The following RAB11FIP4 variants were observed in gnomAD, a reference collection of about 807,000 sequenced individuals.
RAB11FIP4 encodes the protein rab11 family-interacting protein 4.
Under a neutral mutation model 74.3 loss-of-function variants are expected in RAB11FIP4, and 23 were observed. The ratio of observed to expected loss-of-function variants is 0.31; its 90% CI spans 0.22 to 0.44. The LOEUF (loss-of-function observed/expected upper bound fraction) is 0.44. Among genes scored for constraint, RAB11FIP4 ranks in the 20% least tolerant of loss-of-function variants. The probability of loss-of-function intolerance (pLI) is 1.00; values close to 1 mark genes in which losing one functional copy is unlikely to be tolerated. For synonymous variants in RAB11FIP4, 360 were observed against 359.9 expected, an observed-to-expected ratio of 1.00 and a Z score of 0.00; for missense variants, 630 against 863.9, an observed-to-expected ratio of 0.73 and a Z score of 3.39.
intron 2 of RAB11FIP4, among the ~76,000 whole-genome samples, chr17:31,433,456 C>T (rs890531323): frequency 2.6e-5 from 4 of 152,248 alleles, no homozygotes; most frequent in African/African-American, 9.6e-5. Context: ...GACAATGGGC[C>T]ACTGCAGGCT....
chr17:31,536,054 G>A lies in RAB11FIP4; in HGVS notation c.*4322G>A, dbSNP rs2072956424. 1 of 151,968 alleles carries A rather than the reference G, an allele frequency of 6.6e-6. No homozygotes were observed. The highest frequency in any genetic ancestry group is 1.5e-5 in the Non-Finnish European group (1 of 68,024). The allele number at this position is 151,968 out of a possible 1,614,324, so 9.4% of individuals were successfully genotyped here. ...AGGGGAGTTGGGGGGGGGGGGCGCGGGGACAGAAGCGCGGGTTCTTGGTTC... is the reference window on the plus strand; with the variant it reads ...AGGGGAGTTGGGGGGGGGGGGCGCGAGGACAGAAGCGCGGGTTCTTGGTTC... On this transcript the variant is annotated 3_prime_UTR_variant, in exon 15 of 15. Transcript: ENST00000621161.
At chr17:31,412,232 A>G (rs1049425409) in intron 1 of RAB11FIP4, among the ~76,000 whole-genome samples, 6 of 152,172 alleles carry the variant, frequency 3.9e-5, no homozygotes, top group Admixed American at 1.3e-4. Context: ...CGGTTTTGCC[A>G]TGGAAATGGC....
intron 3 of RAB11FIP4, among the ~76,000 whole-genome samples, chr17:31,475,517 C>T (rs1038535873): frequency 1.3e-5 from 2 of 152,236 alleles, no homozygotes; most frequent in African/African-American, 4.8e-5. Flanking sequence ...CTCAAAACCC[C>T]TGTGACACAG....
intron 3 of RAB11FIP4, among the ~76,000 whole-genome samples, chr17:31,514,890 A>AGAGCACCTATAAC (rs1478597993): frequency 6.6e-6 from 1 of 152,188 alleles, no homozygotes; most frequent in East Asian, 1.9e-4. Context: ...TGTCCCTATA[A>AGAGCACCTATAAC]AATGTGCTCT....
intron 3 of RAB11FIP4, among the ~76,000 whole-genome samples, chr17:31,447,043 G>A (rs1220617946): frequency 6.6e-6 from 1 of 152,094 alleles, no homozygotes; most frequent in African/African-American, 2.4e-5. Context: ...CCAGTACTTT[G>A]GGAGGCCAAG....
chr17:31,533,397 G>C lies in RAB11FIP4; in HGVS notation c.*1665G>C, dbSNP rs560541516. 8.7e-4 allele frequency: 133 copies of C among 152,370 alleles called. No individual in the cohort carries two copies. Among genetic ancestry groups the C allele is most frequent in the African/African-American group, 3.0e-3 (124 of 41,548 alleles). 9.4% of individuals were successfully genotyped at this position (152,370 alleles called of 1,614,324 possible). The stretch of plus-strand genomic sequence containing the variant: ...ACTGGGAAGACTAGGCTAGGCAGTC[G>C]GTCTTCTAGGAGTTTCTCAGCCCCT... On this transcript the variant is annotated 3_prime_UTR_variant, in exon 15 of 15. Transcript: ENST00000621161.
chr17:31,392,115 C>T (rs1386684970), intron 1 of RAB11FIP4, 104 bp downstream of exon 1: 5 of 861,194 alleles, frequency 5.8e-6, no homozygotes, highest in African/African-American at 2.1e-5. Context: ...GAGGCGGTGG[C>T]CTCCCTCCCA....
At position 31,392,019 on chromosome 17, in the gene RAB11FIP4, G is replaced by A. The variant is rs2070876433; in HGVS notation, c.159+8G>A. 1 of 1,297,702 alleles carries A rather than the reference G, an allele frequency of 7.7e-7. No individual in the cohort carries two copies. The highest frequency in any genetic ancestry group is 9.8e-7 in the Non-Finnish European group (1 of 1,022,192). 80.4% of individuals were successfully genotyped at this position (1,297,702 alleles called of 1,614,324 possible). A position where few individuals can be genotyped will look rare whatever the true frequency, so the allele number is the denominator to read the frequency against. The stretch of plus-strand genomic sequence containing the variant: ...TTCGGCCAGGGCGAGGAGGTAAGCT[G>A]GCCCGACCCCAGTCCCGGCCCGGGG... On this transcript the variant is annotated splice_region_variant and intron_variant, in intron 1 of 14. Transcript: ENST00000621161.
At chr17:31,450,108 T>C (rs891679780) in intron 3 of RAB11FIP4, among the ~76,000 whole-genome samples, 3 of 152,152 alleles carry the variant, frequency 2.0e-5, no homozygotes, top group Non-Finnish European at 2.9e-5. Context: ...CCTCTAGAAC[T>C]GTAACTCTGT....
intron 3 of RAB11FIP4, among the ~76,000 whole-genome samples, chr17:31,478,770 C>T (rs2071819376): frequency 6.6e-6 from 1 of 152,108 alleles, no homozygotes; most frequent in Admixed American, 6.5e-5. Context: ...GTCCTCAGCT[C>T]TAAGCCAGCA....
intron 3 of RAB11FIP4, among the ~76,000 whole-genome samples, chr17:31,510,386 G>A (rs560380303): frequency 9.8e-5 from 15 of 152,350 alleles, no homozygotes; most frequent in Non-Finnish European, 1.8e-4. Flanking sequence ...CCTTCCCAGC[G>A]GCAGCGCTGC....
At chr17:31,428,973 A>G (rs1384220753) in intron 1 of RAB11FIP4, among the ~76,000 whole-genome samples, 1 of 151,860 alleles carries the variant, frequency 6.6e-6, no homozygotes. Context: ...TATGATGATG[A>G]TGATGATTAT....
intron 3 of RAB11FIP4, among the ~76,000 whole-genome samples, chr17:31,510,057 G>A (rs370457605): frequency 1.8e-4 from 27 of 152,306 alleles, no homozygotes; most frequent in Middle Eastern, 3.4e-3. Context: ...CCAAGATTGC[G>A]TACCAGTCTC....
chr17:31,520,460 C>T (rs138014291), intron 4 of RAB11FIP4, among the ~76,000 whole-genome samples: 55 of 152,128 alleles, frequency 3.6e-4, no homozygotes, highest in East Asian at 3.5e-3. Context: ...AAAACAATGG[C>T]TACTACAGAA....
rs2072941412 is a variant in RAB11FIP4, at chr17:31,535,359, A to G, written c.*3627A>G. ...ATTGGAATCACCTGGGGAGATTTGTAAGCTTCTGCTGTCTGGGCTGAACCC... is the reference window on the plus strand; with the variant it reads ...ATTGGAATCACCTGGGGAGATTTGTGAGCTTCTGCTGTCTGGGCTGAACCC... On this transcript the variant is annotated 3_prime_UTR_variant, in exon 15 of 15. Coordinates refer to ENST00000621161, the MANE Select transcript of RAB11FIP4 (RefSeq NM_032932.6). 3.3e-5 allele frequency: 5 copies of G among 151,912 alleles called. No homozygotes were observed. The highest frequency in any genetic ancestry group is 2.6e-4 in the Admixed American group (4 of 15,262). The allele number at this position is 151,912 out of a possible 1,614,324, so 9.4% of individuals were successfully genotyped here.
At chr17:31,471,513 G>A (rs1379484196) in intron 3 of RAB11FIP4, among the ~76,000 whole-genome samples, 3 of 152,202 alleles carry the variant, frequency 2.0e-5, no homozygotes, top group Non-Finnish European at 1.5e-5. Context: ...AACCTCGTGA[G>A]AGAGATACTA....
At chr17:31,446,606 T>C (rs2071466696) in intron 3 of RAB11FIP4, among the ~76,000 whole-genome samples, 1 of 152,066 alleles carries the variant, frequency 6.6e-6, no homozygotes, top group Non-Finnish European at 1.5e-5. Flanking sequence ...TAGGTGTATT[T>C]GTCTCCTGAG....
At chr17:31,495,528 C>T (rs1385953025) in intron 3 of RAB11FIP4, among the ~76,000 whole-genome samples, 2 of 152,086 alleles carry the variant, frequency 1.3e-5, no homozygotes, top group Non-Finnish European at 2.9e-5. Context: ...CCACTCCCGG[C>T]TATTTATTCA....
chr17:31,467,521 G>A (rs2071697499), intron 3 of RAB11FIP4, among the ~76,000 whole-genome samples: 1 of 152,134 alleles, frequency 6.6e-6, no homozygotes, highest in Non-Finnish European at 1.5e-5. Flanking sequence ...TCTCTTCTCT[G>A]AGTGGTTCTG....
Sources: allele counts gnomAD v4.1 joint callset (sites outside exome capture counted in the v4.1 genomes callset), GRCh38; gene constraint gnomAD v4.1.1; transcripts MANE v1.5; gene names NCBI Gene and HGNC (gene_info 2026-07-23, HGNC 2026-07-21).